The following HIVEP2 variants were observed in gnomAD, a reference collection of about 807,000 sequenced individuals.
The protein encoded by HIVEP2 is transcription factor HIVEP2.
HIVEP2 carries 14 observed loss-of-function variants against 180.7 expected under a neutral mutation model. The observed-to-expected ratio is 0.08, with a 90% confidence interval of 0.05 to 0.12. The LOEUF (loss-of-function observed/expected upper bound fraction) is 0.12, where lower values mean the gene tolerates loss of function less well. Among genes scored for constraint, HIVEP2 ranks in the 10% least tolerant of loss-of-function variants. The pLI, the probability that HIVEP2 is intolerant of heterozygous loss-of-function variation, is 1.00. For synonymous variants in HIVEP2, 1,184 were observed against 1,136.4 expected, an observed-to-expected ratio of 1.04 and a Z score of -0.84; for missense variants, 2,579 against 3,008.5, an observed-to-expected ratio of 0.86 and a Z score of 3.34.
intron 1 of HIVEP2, among the ~76,000 whole-genome samples, chr6:142,872,869 T>C (rs1293908034): frequency 6.6e-6 from 1 of 152,208 alleles, no homozygotes; most frequent in Non-Finnish European, 1.5e-5. Flanking sequence ...TGCTTTTCAG[T>C]GTATTATCCC....
intron 1 of HIVEP2, among the ~76,000 whole-genome samples, chr6:142,866,771 A>T (rs186451465): frequency 1.0e-3 from 152 of 152,296 alleles, no homozygotes; most frequent in Non-Finnish European, 1.6e-3. Flanking sequence ...ATCTGACCAC[A>T]TCAGGATTTC....
Position 142,816,467 on chromosome 6 carries a change from C to T in HIVEP2, c.-528+20468G>A, listed in dbSNP as rs191094039. 9.2e-5 allele frequency among the ~76,000 whole-genome samples: 14 copies of T among 152,318 alleles called. No homozygotes were observed. The East Asian group carries it at 1.9e-3, about 21-fold the overall frequency. On this transcript the variant is annotated intron_variant, in intron 2 of 9. Transcript: ENST00000367603. Reference sequence around the variant, plus strand: ...TTCAACTACGACCACCTCCTCATCACTCAACTCACACTATTAGCACCGCTA... The same window carrying T: ...TTCAACTACGACCACCTCCTCATCATTCAACTCACACTATTAGCACCGCTA...
intron 2 of HIVEP2, among the ~76,000 whole-genome samples, chr6:142,832,617 C>T (rs1775118446): frequency 6.6e-6 from 1 of 152,144 alleles, no homozygotes; most frequent in Non-Finnish European, 1.5e-5. Context: ...ATGGGTGAGA[C>T]ATCAATGTGA....
intron 2 of HIVEP2, among the ~76,000 whole-genome samples, chr6:142,825,933 A>C (rs923151288): frequency 2.0e-5 from 3 of 152,030 alleles, no homozygotes; most frequent in African/African-American, 4.8e-5. Flanking sequence ...ATGTAAAATA[A>C]AAATAATAAA....
At chr6:142,823,566 G>T (rs1777098767) in intron 2 of HIVEP2, among the ~76,000 whole-genome samples, 1 of 152,246 alleles carries the variant, frequency 6.6e-6, no homozygotes, top group African/African-American at 2.4e-5. Flanking sequence ...GGACGCAACA[G>T]ATTCTCGCAT....
chr6:142,895,236 T>C (rs1176048247), intron 1 of HIVEP2, among the ~76,000 whole-genome samples: 2 of 152,220 alleles, frequency 1.3e-5, no homozygotes, highest in Non-Finnish European at 2.9e-5. Context: ...TGTCTTACAG[T>C]TGTGATTCTA....
At chr6:142,836,276 A>G (rs1350634412) in intron 2 of HIVEP2, among the ~76,000 whole-genome samples, 1 of 152,146 alleles carries the variant, frequency 6.6e-6, no homozygotes, top group African/African-American at 2.4e-5. Flanking sequence ...AATCTGTTTG[A>G]CAGAGCAGGC....
At chr6:142,776,244 T>C (rs1285970489) in intron 3 of HIVEP2, 53 bp from the exon 4 acceptor site, 2 of 152,566 alleles carry the variant, frequency 1.3e-5, no homozygotes, top group African/African-American at 4.8e-5. Context: ...AACCTTACCA[T>C]CGATATATAC....
At position 142,822,368 on chromosome 6, in the gene HIVEP2, T is replaced by C. The variant is rs544463892; in HGVS notation, c.-528+14567A>G. Among the ~76,000 whole-genome samples, 9 of 152,330 alleles carry C rather than the reference T, an allele frequency of 5.9e-5. No homozygotes were observed. In the South Asian group the frequency reaches 1.9e-3, roughly 32 times the overall value. On this transcript the variant is annotated intron_variant, in intron 2 of 9. Transcript: ENST00000367603. Reference sequence around the variant, plus strand: ...GATAGTAATATACATAATTCTTTATTAATAATTAAAAACAAGATATAGTGC... The same window carrying C: ...GATAGTAATATACATAATTCTTTATCAATAATTAAAAACAAGATATAGTGC...
chr6:142,870,397 T>C (rs778129152), intron 1 of HIVEP2, among the ~76,000 whole-genome samples: 92 of 152,134 alleles, frequency 6.0e-4, no homozygotes, highest in Non-Finnish European at 1.2e-3. Context: ...GAAAGAACTT[T>C]ATAAACTGCC....
chr6:142,788,130 A>T (rs190606350), intron 2 of HIVEP2: 89 of 152,294 alleles, frequency 5.8e-4, no homozygotes, highest in African/African-American at 2.1e-3. Flanking sequence ...TGCATTAGAG[A>T]TTGTAACTTA....
At chr6:142,870,446 G>A (rs957268203) in intron 1 of HIVEP2, among the ~76,000 whole-genome samples, 1 of 152,150 alleles carries the variant, frequency 6.6e-6, no homozygotes, top group Admixed American at 6.6e-5. Flanking sequence ...TTTGCGGAAT[G>A]TACAATAGGG....
At chr6:142,885,419 G>T (rs1349053774) in intron 1 of HIVEP2, among the ~76,000 whole-genome samples, 1 of 151,652 alleles carries the variant, frequency 6.6e-6, no homozygotes, top group Non-Finnish European at 1.5e-5. Flanking sequence ...GTGAGCCCCT[G>T]TCTTCAAGCA....
intron 1 of HIVEP2, among the ~76,000 whole-genome samples, chr6:142,869,216 G>A (rs1009976660): frequency 1.3e-5 from 2 of 152,152 alleles, no homozygotes; most frequent in African/African-American, 4.8e-5. Context: ...CCAAGGTTGA[G>A]AAATCCTGGC....
chr6:142,812,854 A>C (rs1172568640), intron 2 of HIVEP2, among the ~76,000 whole-genome samples: 1 of 152,220 alleles, frequency 6.6e-6, no homozygotes, highest in Non-Finnish European at 1.5e-5. Context: ...CAGATTAGAC[A>C]TTAAGGCAGA....
At chr6:142,851,536 A>G (rs1470296773) in intron 1 of HIVEP2, among the ~76,000 whole-genome samples, 1 of 152,272 alleles carries the variant, frequency 6.6e-6, no homozygotes, top group Admixed American at 6.5e-5. Flanking sequence ...ATCTTTTATG[A>G]GGCAGGTACA....
rs540583344 is a variant in HIVEP2, at chr6:142,855,214, G to C, written c.-640-18167C>G. On this transcript the variant is annotated intron_variant, in intron 1 of 9. Coordinates refer to ENST00000367603, the MANE Select transcript of HIVEP2 (RefSeq NM_006734.4). ...ACCCACGTGGTAAGTTCACCCACAA[G>C]AGCAACTTTTTTGAACACAGGCAAA... Among the ~76,000 whole-genome samples, 301 of 152,324 alleles carry C rather than the reference G, an allele frequency of 2.0e-3. 2 individuals are homozygous for C. The highest frequency in any genetic ancestry group is 2.3e-3 in the Non-Finnish European group (154 of 68,028).
At chr6:142,915,666 T>C (rs1287341448) in intron 1 of HIVEP2, among the ~76,000 whole-genome samples, 1 of 152,168 alleles carries the variant, frequency 6.6e-6, no homozygotes, top group Non-Finnish European at 1.5e-5. Context: ...TTCTTAATCT[T>C]GGTGGCATCA....
chr6:142,920,494 A>T (rs1248893877), intron 1 of HIVEP2, among the ~76,000 whole-genome samples: 1 of 152,176 alleles, frequency 6.6e-6, no homozygotes, highest in Non-Finnish European at 1.5e-5. Context: ...AGGAGGGAGA[A>T]CTCATTTGGA....
Sources: gnomAD v4.1 joint callset for allele counts (sites outside exome capture counted in the v4.1 genomes callset) on GRCh38, gnomAD v4.1.1 for gene constraint, MANE v1.5 for transcripts, NCBI Gene and HGNC (gene_info 2026-07-23, HGNC 2026-07-21) for gene names.